PDE4D: variants seen among roughly 807,000 people sequenced by gnomAD.
The protein encoded by PDE4D is phosphodiesterase 4D.
In PDE4D, 24 loss-of-function variants were observed where a neutral mutation model predicts 87.4. The ratio of observed to expected loss-of-function variants is 0.27; its 90% CI spans 0.20 to 0.39. The LOEUF (loss-of-function observed/expected upper bound fraction) is 0.39. PDE4D is among the 10% of genes least tolerant of loss of function. The pLI is 1.00. For missense variants in PDE4D, 714 were observed against 1,041.0 expected (o/e 0.69, Z 4.32); for synonymous variants, 384 against 383.2 (o/e 1.00, Z -0.02).
rs151257328 is a variant in PDE4D, at chr5:59,432,551, G to A, written c.456-216583C>T. Among the ~76,000 whole-genome samples, 86 of 152,206 alleles carry A rather than the reference G, an allele frequency of 5.7e-4. No individual in the cohort carries two copies. The East Asian group carries it at 0.016, about 29-fold the overall frequency. On this transcript the variant is annotated intron_variant, in intron 1 of 14. Transcript: ENST00000340635. The stretch of plus-strand genomic sequence containing the variant: ...TGGCAGTTCATATTCCCACAGTCAT[G>A]TTGGAAGATGTCAACTCCTCCACAC...
At chr5:59,834,206 AATG>A (rs1388230232) in intron 1 of PDE4D, among the ~76,000 whole-genome samples, 2 of 152,010 alleles carry the variant, frequency 1.3e-5, no homozygotes, top group Non-Finnish European at 2.9e-5. Context: ...AAGTACCAAA[AATG>A]ATGACTTTAT....
intron 1 of PDE4D, among the ~76,000 whole-genome samples, chr5:59,459,726 T>C (rs528882145): frequency 2.2e-4 from 34 of 152,344 alleles, no homozygotes; most frequent in African/African-American, 8.2e-4. Flanking sequence ...ATTTACTCAA[T>C]CTGTTCAATT....
chr5:59,998,951 A>G lies in PDE4D; in HGVS notation c.43-10234T>C, dbSNP rs568197087. ...TGAGATGAAATAAGAGCAATATTAA[A>G]TACTGTAAAAGTATTCTGTAGAGTT... On this transcript the variant is annotated intron_variant, in intron 2 of 16. Transcript: ENST00000502484. Among the ~76,000 whole-genome samples the G allele has an allele frequency of 2.0e-5, 3 of 152,334 alleles. No individual in the cohort carries two copies. In the East Asian group the frequency reaches 5.8e-4, roughly 29 times the overall value.
chr5:59,500,139 C>T lies in PDE4D; in HGVS notation c.456-284171G>A, dbSNP rs572846484. ...TGGTGAGACTGTGGAGAAAAGGGAA[C>T]GCTTGCACACTGTTGGCAGGAATGC... On this transcript the variant is annotated intron_variant, in intron 1 of 14. Coordinates refer to ENST00000340635, the MANE Select transcript of PDE4D (RefSeq NM_001104631.2). Among the ~76,000 whole-genome samples, 32 of 152,190 alleles carry T rather than the reference C, an allele frequency of 2.1e-4. No homozygotes were observed. The South Asian group carries it at 3.7e-3, about 18-fold the overall frequency.
intron 1 of PDE4D, among the ~76,000 whole-genome samples, chr5:60,283,365 A>G (rs1752121724): frequency 6.6e-6 from 1 of 152,138 alleles, no homozygotes; most frequent in Non-Finnish European, 1.5e-5. Context: ...TTTGAGACTC[A>G]AAGTATACTT....
intron 2 of PDE4D, among the ~76,000 whole-genome samples, chr5:60,128,917 T>C (rs2149393837): frequency 1.3e-5 from 2 of 152,324 alleles, no homozygotes; most frequent in Middle Eastern, 6.8e-3. Flanking sequence ...GGTGGTTCTG[T>C]TTTCCTGTCA....
rs1372126760 is a variant in PDE4D at position 60,215,141 on chromosome 5, A to G, written c.-89-29454T>C. ...TCCTCTGTAGCGATTTCTATGATTC[A>G]TTTGGCGACCAAATCTGGAACTGAC... On this transcript the variant is annotated intron_variant, in intron 1 of 16. Transcript: ENST00000502484. 2.0e-5 allele frequency among the ~76,000 whole-genome samples: 3 copies of G among 152,180 alleles called. No individual in the cohort carries two copies. The East Asian group carries it at 5.8e-4, about 29-fold the overall frequency.
chr5:60,099,219 C>G (rs141926393), intron 2 of PDE4D, among the ~76,000 whole-genome samples: 43 of 151,974 alleles, frequency 2.8e-4, no homozygotes, highest in African/African-American at 9.9e-4. Context: ...TCTCTTGCTG[C>G]TTTCAGAATT....
intron 1 of PDE4D, chr5:59,586,904 T>C (rs1421627432): frequency 1.0e-6 from 1 of 985,352 alleles, no homozygotes; most frequent in Non-Finnish European, 1.2e-6. Flanking sequence ...TATTCATGTA[T>C]GGTCACTTTA....
At chr5:59,430,025 A>T (rs1048794532) in intron 1 of PDE4D, among the ~76,000 whole-genome samples, 1 of 152,152 alleles carries the variant, frequency 6.6e-6, no homozygotes, top group Non-Finnish European at 1.5e-5. Context: ...AATTCTCATC[A>T]TGGGTGATTT....
chr5:59,768,603 C>T, intron 1 of PDE4D: 1 of 1,551,992 alleles, frequency 6.4e-7, no homozygotes. Context: ...CAGGTCTGAG[C>T]CTGCTGCTGT....
At chr5:59,799,629 G>T (rs891425468) in intron 1 of PDE4D, among the ~76,000 whole-genome samples, 5 of 152,310 alleles carry the variant, frequency 3.3e-5, no homozygotes, top group Admixed American at 3.3e-4. Flanking sequence ...TAAACCATCG[G>T]ACCATATCAT....
chr5:60,096,427 TTTAA>T (rs1209297104), intron 2 of PDE4D, among the ~76,000 whole-genome samples: 12 of 152,240 alleles, frequency 7.9e-5, no homozygotes, highest in African/African-American at 2.4e-4. Flanking sequence ...ATTAATATTG[TTTAA>T]TTAAGTTTTT....
At chr5:59,141,574 T>C (rs559307310) in intron 5 of PDE4D, among the ~76,000 whole-genome samples, 1 of 152,356 alleles carries the variant, frequency 6.6e-6, no homozygotes, top group Admixed American at 6.5e-5. Flanking sequence ...CTAAAGCAGA[T>C]GGGCTGTGTT....
intron 1 of PDE4D, among the ~76,000 whole-genome samples, chr5:59,859,370 T>G (rs1745926999): frequency 6.6e-6 from 1 of 152,190 alleles, no homozygotes; most frequent in Non-Finnish European, 1.5e-5. Context: ...ATGGTCATAC[T>G]TCACCATTCA....
intron 2 of PDE4D, among the ~76,000 whole-genome samples, chr5:60,149,228 T>G (rs1356655808): frequency 1.3e-5 from 2 of 152,190 alleles, no homozygotes; most frequent in African/African-American, 2.4e-5. Context: ...AAAAGAAGTT[T>G]ATTTAGCTTA....
intron 1 of PDE4D, among the ~76,000 whole-genome samples, chr5:59,718,623 A>T (rs1755369949): frequency 6.6e-6 from 1 of 152,172 alleles, no homozygotes; most frequent in East Asian, 1.9e-4. Flanking sequence ...ACTCCTTTGC[A>T]GAGCTATAAA....
intron 1 of PDE4D, among the ~76,000 whole-genome samples, chr5:60,334,062 C>A (rs1465466744): frequency 6.6e-6 from 1 of 152,170 alleles, no homozygotes; most frequent in East Asian, 1.9e-4. Context: ...GCTGCCATAA[C>A]TGGATGTAGT....
At chr5:59,393,996 T>C (rs1788776469) in intron 1 of PDE4D, among the ~76,000 whole-genome samples, 1 of 152,252 alleles carries the variant, frequency 6.6e-6, no homozygotes, top group Non-Finnish European at 1.5e-5. Context: ...AGAGCCATTG[T>C]ACTGTGGGGC....
Sources: allele counts gnomAD v4.1 joint callset (sites outside exome capture counted in the v4.1 genomes callset), GRCh38; gene constraint gnomAD v4.1.1; transcripts MANE v1.5; gene names NCBI Gene and HGNC (gene_info 2026-07-23, HGNC 2026-07-21).